PGPEP1L: variants seen among roughly 807,000 people sequenced by gnomAD.
PGPEP1L encodes pyroglutamyl-peptidase I like, also known as pyroglutamyl-peptidase 1-like protein.
A neutral mutation model predicts 6.0 loss-of-function variants in PGPEP1L; 7 were observed. The ratio of observed to expected loss-of-function variants is 1.17; its 90% CI spans 0.66 to 2.19. The LOEUF (loss-of-function observed/expected upper bound fraction) is 2.19. PGPEP1L is among the 30% of genes most tolerant of loss of function. The probability of loss-of-function intolerance (pLI) is 0.00; values close to 1 mark genes in which losing one functional copy is unlikely to be tolerated. For missense variants in PGPEP1L, 209 were observed against 192.5 expected (o/e 1.09, Z -0.51); for synonymous variants, 103 against 83.9 (o/e 1.23, Z -1.24).
chr15:98,988,454 G>A (rs1466301035), intron 2 of PGPEP1L, among the ~76,000 whole-genome samples: 2 of 152,148 alleles, frequency 1.3e-5, no homozygotes, highest in Non-Finnish European at 2.9e-5. Flanking sequence ...CCTCCTCTCT[G>A]GGAAGGGCAT....
intron 2 of PGPEP1L, among the ~76,000 whole-genome samples, chr15:98,972,526 C>G (rs570921731): frequency 6.6e-6 from 1 of 152,074 alleles, no homozygotes; most frequent in Admixed American, 6.5e-5. Flanking sequence ...TAGTAAACAC[C>G]TGCCTATCAA....
At chr15:98,983,489 C>G (rs1336901599) in intron 2 of PGPEP1L, among the ~76,000 whole-genome samples, 1 of 152,272 alleles carries the variant, frequency 6.6e-6, no homozygotes, top group East Asian at 1.9e-4. Flanking sequence ...CCCAACTGAC[C>G]CTGGGTGTGT....
chr15:98,993,836 G>GGA (rs1555472271), intron 2 of PGPEP1L, among the ~76,000 whole-genome samples: 5 of 150,320 alleles, frequency 3.3e-5, no homozygotes, highest in African/African-American at 9.8e-5. Flanking sequence ...ACAATTACAT[G>GGA]AAAAAAAAAG....
At chr15:99,001,902 G>A (rs557925735) in intron 2 of PGPEP1L, among the ~76,000 whole-genome samples, 1 of 152,116 alleles carries the variant, frequency 6.6e-6, no homozygotes, top group Non-Finnish European at 1.5e-5. Flanking sequence ...ATTTTTAGTA[G>A]AGATGGGGTT....
intron 2 of PGPEP1L, among the ~76,000 whole-genome samples, chr15:98,979,817 T>A (rs1483568677): frequency 6.6e-6 from 1 of 151,926 alleles, no homozygotes; most frequent in Non-Finnish European, 1.5e-5. Flanking sequence ...ACCCGGCTAA[T>A]TTTTGTATTT....
chr15:98,984,009 CTTTTT>C (rs71456904), intron 2 of PGPEP1L, among the ~76,000 whole-genome samples: 116 of 115,782 alleles, frequency 1.0e-3, no homozygotes, highest in South Asian at 3.9e-3. Context: ...AGTAAGTAGT[CTTTTT>C]TTTTTTTTTT....
intron 2 of PGPEP1L, among the ~76,000 whole-genome samples, chr15:99,002,381 G>A (rs1232999073): frequency 6.6e-6 from 1 of 152,150 alleles, no homozygotes; most frequent in Non-Finnish European, 1.5e-5. Context: ...GAGGAAGCGG[G>A]TGGGTGTGGC....
In PGPEP1L at chr15:98,983,998, GAGTA is replaced by G. The variant is rs1357629918; in HGVS notation, c.-141-12844_-141-12841del. Among the ~76,000 whole-genome samples, 402 of 149,694 alleles carry G rather than the reference GAGTA, an allele frequency of 2.7e-3. 7 individuals are homozygous for G. The highest frequency in any genetic ancestry group is 8.5e-3 in the African/African-American group (345 of 40,550). On this transcript the variant is annotated intron_variant, in intron 2 of 4. Transcript: ENST00000535714. Reference sequence around the variant, plus strand: ...TTCCCATTTATAATGCCTGGCAGTGGAGTAAGTAGTCTTTTTTTTTTTTTTTTTT... The same window carrying G: ...TTCCCATTTATAATGCCTGGCAGTGGAGTAGTCTTTTTTTTTTTTTTTTTT...
intron 2 of PGPEP1L, among the ~76,000 whole-genome samples, chr15:98,986,910 T>C (rs990634986): frequency 2.0e-5 from 3 of 152,184 alleles, no homozygotes; most frequent in Middle Eastern, 6.8e-3. Flanking sequence ...GGCTCACACC[T>C]GTAATCCCAG....
chr15:98,992,958 A>G (rs1306865841), intron 2 of PGPEP1L, among the ~76,000 whole-genome samples: 1 of 152,228 alleles, frequency 6.6e-6, no homozygotes, highest in East Asian at 1.9e-4. Flanking sequence ...AAGATGGATT[A>G]AAGACTTAAA....
intron 2 of PGPEP1L, among the ~76,000 whole-genome samples, chr15:98,979,630 ATTCTTTTTTTTTTTTTTTTT>A (rs1168471844): frequency 2.9e-4 from 31 of 105,926 alleles, no homozygotes; most frequent in African/African-American, 1.0e-3. Context: ...ATTGGAGACT[ATTCTTTTTTTTTTTTTTTTT>A]TTTTTTTTTT....
chr15:98,989,646 C>T (rs972776040), intron 2 of PGPEP1L, among the ~76,000 whole-genome samples: 1 of 152,150 alleles, frequency 6.6e-6, no homozygotes, highest in Non-Finnish European at 1.5e-5. Flanking sequence ...CAAAGATACT[C>T]CTTGAGAAGA....
At chr15:98,975,366 C>CA (rs1460670290) in intron 2 of PGPEP1L, among the ~76,000 whole-genome samples, 1 of 152,026 alleles carries the variant, frequency 6.6e-6, no homozygotes, top group African/African-American at 2.4e-5. Flanking sequence ...TTATTGGATA[C>CA]AAAAATGCAG....
intron 2 of PGPEP1L, among the ~76,000 whole-genome samples, chr15:98,986,462 G>A (rs1241223200): frequency 1.3e-5 from 2 of 152,252 alleles, no homozygotes; most frequent in African/African-American, 4.8e-5. Context: ...GTGTCTGGAT[G>A]TTTCAGGAGG....
chr15:98,998,135 C>A, intron 2 of PGPEP1L: 1 of 152,782 alleles, frequency 6.5e-6, no homozygotes. Flanking sequence ...AGCTGGAATT[C>A]ACCAAGTGCT....
chr15:98,986,687 A>G (rs749457538), intron 2 of PGPEP1L, among the ~76,000 whole-genome samples: 27 of 152,222 alleles, frequency 1.8e-4, no homozygotes, highest in Non-Finnish European at 3.5e-4. Flanking sequence ...TGTGGCTGGC[A>G]TCTGAAGTGG....
At chr15:98,997,724 T>A (rs2017907666) in intron 2 of PGPEP1L, among the ~76,000 whole-genome samples, 1 of 152,166 alleles carries the variant, frequency 6.6e-6, no homozygotes, top group Non-Finnish European at 1.5e-5. Context: ...CCCTGCAACA[T>A]CTGCTTTATT....
chr15:98,994,613 A>G (rs2017863251), intron 2 of PGPEP1L, among the ~76,000 whole-genome samples: 1 of 152,204 alleles, frequency 6.6e-6, no homozygotes, highest in Admixed American at 6.5e-5. Context: ...TGGAGCTATT[A>G]TTACTACGAC....
chr15:98,988,625 G>C (rs1555471751), intron 2 of PGPEP1L, among the ~76,000 whole-genome samples: 2 of 152,074 alleles, frequency 1.3e-5, no homozygotes, highest in East Asian at 3.9e-4. Flanking sequence ...TCTCCCAGCA[G>C]TGTCTGATCT....
Sources: gnomAD v4.1 joint callset for allele counts (sites outside exome capture counted in the v4.1 genomes callset) on GRCh38, gnomAD v4.1.1 for gene constraint, MANE v1.5 for transcripts, NCBI Gene and HGNC (gene_info 2026-07-23, HGNC 2026-07-21) for gene names.